ZFPM1: variants seen among roughly 807,000 people sequenced by gnomAD.
ZFPM1 encodes zinc finger protein ZFPM1.
A neutral mutation model predicts 46.3 loss-of-function variants in ZFPM1; 28 were observed. That is an observed-to-expected ratio of 0.60 (90% CI 0.45 to 0.83). ZFPM1 has a LOEUF of 0.83. Ranked by LOEUF, ZFPM1 falls within the 40% of genes least tolerant of loss-of-function variation. The probability of loss-of-function intolerance (pLI) is 0.00; values close to 1 mark genes in which losing one functional copy is unlikely to be tolerated. For synonymous variants in ZFPM1, 957 were observed against 675.9 expected, an observed-to-expected ratio of 1.42 and a Z score of -6.45; for missense variants, 1,878 against 1,432.4, an observed-to-expected ratio of 1.31 and a Z score of -5.02.
chr16:88,506,570 C>T lies in ZFPM1; in HGVS notation c.269-7817C>T, dbSNP rs1301703375. On this transcript the variant is annotated intron_variant, in intron 3 of 9. Transcript: ENST00000319555. Reference sequence around the variant, plus strand: ...AGAGTGGTGGCCATCACTGGGTGTGCACGGGGCACAGCTCTGAGGAGCAGA... The same window carrying T: ...AGAGTGGTGGCCATCACTGGGTGTGTACGGGGCACAGCTCTGAGGAGCAGA... Among the ~76,000 whole-genome samples the T allele has an allele frequency of 2.6e-5, 4 of 152,160 alleles. No homozygotes were observed. In the South Asian group the frequency reaches 6.2e-4, roughly 24 times the overall value.
chr16:88,488,581 T>TG (rs904240803), intron 2 of ZFPM1, among the ~76,000 whole-genome samples: 6 of 140,914 alleles, frequency 4.3e-5, no homozygotes, highest in East Asian at 4.6e-4. Context: ...CGTCATGGGG[T>TG]GGGGGGGCTT....
chr16:88,511,614 G>T (rs1194352513), intron 3 of ZFPM1, among the ~76,000 whole-genome samples: 1 of 152,122 alleles, frequency 6.6e-6, no homozygotes, highest in East Asian at 1.9e-4. Context: ...AGGAGTAGGA[G>T]GCCTCACCCA....
At chr16:88,530,109 T>C (rs931453318) in intron 6 of ZFPM1, among the ~76,000 whole-genome samples, 1 of 151,932 alleles carries the variant, frequency 6.6e-6, no homozygotes, top group Non-Finnish European at 1.5e-5. Context: ...TGGGAGGCCA[T>C]TGCACCCCTC....
intron 3 of ZFPM1, among the ~76,000 whole-genome samples, chr16:88,505,660 T>C (rs74410959): frequency 0.048 from 7,267 of 152,200 alleles, 236 homozygotes; most frequent in African/African-American, 0.092. Context: ...TACCATTCCC[T>C]GGAGCCAGCA....
At chr16:88,454,243 G>A (rs1020710738) in intron 1 of ZFPM1, among the ~76,000 whole-genome samples, 4 of 152,152 alleles carry the variant, frequency 2.6e-5, no homozygotes, top group Non-Finnish European at 4.4e-5. Flanking sequence ...CACCGGTGCC[G>A]TCGCAGAGCC....
At position 88,529,357 on chromosome 16, in the gene ZFPM1, G is replaced by A. The variant is rs555684304; in HGVS notation, c.712+1119G>A. 4.6e-5 allele frequency among the ~76,000 whole-genome samples: 7 copies of A among 152,336 alleles called. No homozygotes were observed. In the South Asian group the frequency reaches 8.3e-4, roughly 18 times the overall value. ...AGAGTCACAAAACTGGAAGAAAAGC[G>A]ACCTTTGTGAGCAAGTCGGATGTGA... On this transcript the variant is annotated intron_variant, in intron 6 of 9. Transcript: ENST00000319555.
In ZFPM1 at chr16:88,480,754, T is replaced by A. The variant is rs532344240; in HGVS notation, c.41-5185T>A. ...AGGGGCCTCCCCAGGGGCCTCAGACTCCTCATCCACAGCCCCCATCTGCGC... is the reference window on the plus strand; with the variant it reads ...AGGGGCCTCCCCAGGGGCCTCAGACACCTCATCCACAGCCCCCATCTGCGC... On this transcript the variant is annotated intron_variant, in intron 1 of 9. Transcript: ENST00000319555. The surrounding 1 kb of genome is among the most constrained non-coding windows in gnomAD (Gnocchi z 4.9). Among the ~76,000 whole-genome samples, 1 of 152,086 alleles carries A rather than the reference T, an allele frequency of 6.6e-6. No individual in the cohort carries two copies. Among genetic ancestry groups the A allele is most frequent in the Non-Finnish European group, 1.5e-5 (1 of 67,940 alleles).
intron 2 of ZFPM1, among the ~76,000 whole-genome samples, chr16:88,488,454 G>A (rs983047009): frequency 1.3e-5 from 2 of 152,258 alleles, no homozygotes; most frequent in Admixed American, 6.5e-5. Flanking sequence ...CTGGAGCTCA[G>A]ATGCCAGCCA....
At chr16:88,498,874 T>C (rs1413810072) in intron 3 of ZFPM1, among the ~76,000 whole-genome samples, 1 of 152,320 alleles carries the variant, frequency 6.6e-6, no homozygotes, top group East Asian at 1.9e-4. Context: ...TGGCTGCCCC[T>C]GGCCCTGAGC....
intron 4 of ZFPM1, among the ~76,000 whole-genome samples, chr16:88,514,746 C>T (rs531933806): frequency 7.2e-5 from 11 of 152,250 alleles, no homozygotes; most frequent in Admixed American, 3.9e-4. Context: ...GGGAGGACTT[C>T]CTGGAGGAGG....
intron 1 of ZFPM1, among the ~76,000 whole-genome samples, chr16:88,459,213 C>G (rs1054391396): frequency 6.6e-6 from 1 of 152,204 alleles, no homozygotes; most frequent in African/African-American, 2.4e-5. Flanking sequence ...GTCACCCACT[C>G]CCCGCTCAGG....
chr16:88,514,406 G>C lies in ZFPM1; in HGVS notation c.288G>C (p.Val96=), dbSNP rs899588952. The C allele has an allele frequency of 3.2e-6, 5 of 1,563,638 alleles. No individual in the cohort carries two copies. The African/African-American group carries it at 6.8e-5, about 21-fold the overall frequency. ...WSGPDELEPV[V]QDGQRRIRAR... is the part of the protein sequence containing the mutation. ...CTGCAGACGAGCTGGAGCCGGTGGT[G>C]CAGGATGGGCAGAGGCGCATACGGG... Residue 96 remains valine, a synonymous_variant, in exon 4 of 10, where the codon GTG becomes GTC. Coordinates refer to ENST00000319555, the MANE Select transcript of ZFPM1 (RefSeq NM_153813.3).
At chr16:88,466,944 G>A (rs1908160473) in intron 1 of ZFPM1, among the ~76,000 whole-genome samples, 1 of 152,080 alleles carries the variant, frequency 6.6e-6, no homozygotes, top group Admixed American at 6.5e-5. Flanking sequence ...GTGCGGCAGG[G>A]CTCAGTGAAC....
rs555662465 is a variant in ZFPM1 at position 88,497,831 on chromosome 16, A to G, written c.268+8678A>G. The stretch of plus-strand genomic sequence containing the variant: ...AGTGTGTGAGGGCGTCGGGCTGGTT[A>G]TCTGGGCCGAGCTCCATCTGACTAA... On this transcript the variant is annotated intron_variant, in intron 3 of 9. Transcript: ENST00000319555. This position sits in a 1 kb window ranked among gnomAD's most constrained non-coding sequence, Gnocchi z 5.4. Among the ~76,000 whole-genome samples the G allele has an allele frequency of 6.6e-6, 1 of 152,096 alleles. No homozygotes were observed. The highest frequency in any genetic ancestry group is 2.4e-5 in the African/African-American group (1 of 41,414).
In ZFPM1 at chr16:88,533,608, G is replaced by A. The variant is rs1912988492; in HGVS notation, c.1650G>A (p.Val550=). The A allele has an allele frequency of 6.7e-7, 1 of 1,486,008 alleles. No homozygotes were observed. Among genetic ancestry groups the A allele is most frequent in the Non-Finnish European group, 8.9e-7 (1 of 1,117,450 alleles). The allele number at this position is 1,486,008 out of a possible 1,614,324, so 92.1% of individuals were successfully genotyped here. A position where few individuals can be genotyped will look rare whatever the true frequency, so the allele number is the denominator to read the frequency against. Residue 550 remains valine (V), a synonymous_variant, in exon 10 of 10, where the codon GTG becomes GTA. Transcript: ENST00000319555. ...TCCTGGCCAAGATGTCCGAGCTGGT[G>A]CACAGCCGGCTGCAGCAGGGCGCGG... is the stretch of plus-strand genomic sequence containing the variant. The part of the protein sequence containing the change: ...SEILAKMSEL[V]HSRLQQGAGA...
chr16:88,534,727 G>A lies in ZFPM1; in HGVS notation c.2769G>A (p.Pro923=). Residue 923 remains proline, a synonymous_variant, in exon 10 of 10, where the codon CCG becomes CCA. Coordinates refer to ENST00000319555, the MANE Select transcript of ZFPM1 (RefSeq NM_153813.3). ...GTGGCCCCCGGGACGGCCTCGGCCC[G>A]GAGCCCCAGGAGCCGCCGCCCGGCC... The part of the protein sequence containing the change: ...GSRGPRDGLG[P]EPQEPPPGPP... The A allele has an allele frequency of 4.1e-6, 4 of 979,650 alleles. No homozygotes were observed. The highest frequency in any genetic ancestry group is 9.2e-5 in the South Asian group (2 of 21,808). The allele number at this position is 979,650 out of a possible 1,614,324, so 60.7% of individuals were successfully genotyped here.
chr16:88,464,226 C>T (rs1908023779), intron 1 of ZFPM1, among the ~76,000 whole-genome samples: 1 of 152,186 alleles, frequency 6.6e-6, no homozygotes, highest in Non-Finnish European at 1.5e-5. Flanking sequence ...ACACCTGGGC[C>T]CGAGGGGCCG....
At chr16:88,487,762 C>A (rs1336003935) in intron 2 of ZFPM1, among the ~76,000 whole-genome samples, 2 of 152,166 alleles carry the variant, frequency 1.3e-5, no homozygotes, top group African/African-American at 4.8e-5. Flanking sequence ...GCCCCTTTTT[C>A]TGGCAGGCAG....
At chr16:88,488,829 G>A (rs1037020585) in intron 2 of ZFPM1, among the ~76,000 whole-genome samples, 3 of 152,226 alleles carry the variant, frequency 2.0e-5, no homozygotes, top group Non-Finnish European at 4.4e-5. Flanking sequence ...CAATTAATGA[G>A]GGGAGAGGGG....
Sources: gnomAD v4.1 joint callset for allele counts (sites outside exome capture counted in the v4.1 genomes callset) on GRCh38, gnomAD v4.1.1 for gene constraint, Gnocchi (gnomAD v3.1) non-coding constraint, MANE v1.5 for transcripts, NCBI Gene and HGNC (gene_info 2026-07-23, HGNC 2026-07-21) for gene names.